The following PEAR1 variants were observed in gnomAD, a reference collection of about 807,000 sequenced individuals.
PEAR1 encodes multiple EGF-like domains protein 12.
In PEAR1, 113 loss-of-function variants were observed where a neutral mutation model predicts 131.2. The observed-to-expected ratio is 0.86, with a 90% CI of 0.74 to 1.01. The LOEUF (loss-of-function observed/expected upper bound fraction) is 1.01. PEAR1 is among the 50% of genes least tolerant of loss of function. PEAR1 has a pLI of 0.00. For missense variants in PEAR1, 1,408 were observed against 1,391.1 expected (o/e 1.01, Z -0.19); for synonymous variants, 565 against 523.3 (o/e 1.08, Z -1.09).
intron 7 of PEAR1, 27 bp downstream of exon 7, chr1:156,907,757 G>A (rs757196494): frequency 6.3e-7 from 1 of 1,594,536 alleles, no homozygotes; most frequent in African/African-American, 1.3e-5. Flanking sequence ...CTGTGGGCAT[G>A]GGGTGTGGGT....
Position 156,912,995 on chromosome 1 carries a change from A to C in PEAR1, c.2422+13A>C. ...TATGTCATGCCAGGTGAGCTGGCAC[A>C]GGGCCTGGGGCACAGATGAGTGGCT... is the stretch of plus-strand genomic sequence containing the variant. On this transcript the variant is annotated intron_variant, in intron 18 of 22. Coordinates refer to ENST00000292357, the MANE Select transcript of PEAR1 (RefSeq NM_001080471.3). The C allele has an allele frequency of 1.9e-6, 3 of 1,613,254 alleles. No individual in the cohort carries two copies. Among genetic ancestry groups the C allele is most frequent in the Non-Finnish European group, 2.5e-6 (3 of 1,179,370 alleles).
At chr1:156,901,741 G>T (rs1402369325) in intron 1 of PEAR1, among the ~76,000 whole-genome samples, 1 of 152,208 alleles carries the variant, frequency 6.6e-6, no homozygotes, top group Non-Finnish European at 1.5e-5. Flanking sequence ...GGCATATGGA[G>T]GGCTCGGGGT....
At position 156,905,409 on chromosome 1, in the gene PEAR1, A is replaced by G. The variant is rs1268538464; in HGVS notation, c.292A>G (p.Arg98Gly). 1.2e-6 allele frequency: 2 copies of G among 1,605,722 alleles called. No homozygotes were observed. Among genetic ancestry groups the G allele is most frequent in the African/African-American group, 2.7e-5 (2 of 74,804 alleles). The change falls in exon 4 of 23, where the codon AGG becomes GGG. Residue 98 changes from arginine to glycine, a missense_variant. Coordinates refer to ENST00000292357, the MANE Select transcript of PEAR1 (RefSeq NM_001080471.3). ...LQCCHGFYES[R>G]GFCVPLCAQE... ...GTGCTGCCATGGCTTCTATGAGAGC[A>G]GGGGGTTCTGTGTCCGTGAGTCCAG...
chr1:156,911,207 TCTTTCTTTCTTTC>T (rs898192580), intron 15 of PEAR1, among the ~76,000 whole-genome samples: 3 of 140,830 alleles, frequency 2.1e-5, no homozygotes, highest in Admixed American at 7.1e-5. Flanking sequence ...TTCTTTTCTT[TCTTTCTTTCTTTC>T]CTTTCTTTCT....
In PEAR1 at chr1:156,913,460, C is replaced by G. The variant is rs148792149; in HGVS notation, c.2581C>G (p.His861Asp). The G allele has an allele frequency of 5.6e-6, 9 of 1,613,586 alleles. No individual in the cohort carries two copies. The African/African-American group carries it at 8.0e-5, about 14-fold the overall frequency. Reference sequence around the variant, plus strand: ...AGGTGGGGCCCAAGGGCATGATAACCACACCACCCTGCCTGCTGACTGGAA... The same window carrying G: ...AGGTGGGGCCCAAGGGCATGATAACGACACCACCCTGCCTGCTGACTGGAA... ...RPGGAQGHDN[H>D]TTLPADWKHR... The change falls in exon 20 of 23, where the codon CAC becomes GAC. Residue 861 changes from histidine (H) to aspartate (D), a missense_variant. Transcript: ENST00000292357.
At chr1:156,906,502 A>C (rs2102992860) in intron 5 of PEAR1, 134 bp downstream of exon 5, 1 of 1,536,372 alleles carries the variant, frequency 6.5e-7, no homozygotes, top group South Asian at 1.2e-5. Context: ...CATTGCTGCC[A>C]TCTGCCTTTT....
intron 11 of PEAR1, 57 bp downstream of exon 11, chr1:156,909,093 G>C: frequency 1.2e-6 from 2 of 1,606,224 alleles, no homozygotes; most frequent in Non-Finnish European, 8.5e-7. Context: ...GGGAAGAAGG[G>C]AGAGTCCAAG....
At chr1:156,912,167 C>G in intron 15 of PEAR1, 80 bp from the exon 16 acceptor site, 3 of 1,520,964 alleles carry the variant, frequency 2.0e-6, no homozygotes, top group Non-Finnish European at 2.6e-6. Context: ...GAGCTAAAGG[C>G]TTCAGTGATG....
At chr1:156,911,039 TTCTTTC>T (rs1651018547) in intron 15 of PEAR1, among the ~76,000 whole-genome samples, 1 of 68,076 alleles carries the variant, frequency 1.5e-5, no homozygotes, top group Non-Finnish European at 2.9e-5. Flanking sequence ...TGATTTCTTT[TTCTTTC>T]TTTCTTTCTT....
At chr1:156,899,182 C>T (rs1257314676) in intron 1 of PEAR1, among the ~76,000 whole-genome samples, 1 of 152,082 alleles carries the variant, frequency 6.6e-6, no homozygotes, top group South Asian at 2.1e-4. Context: ...GATCAGAGGA[C>T]TCAAGTTATG....
At chr1:156,903,679 C>A (rs960814972) in intron 1 of PEAR1, among the ~76,000 whole-genome samples, 1 of 152,132 alleles carries the variant, frequency 6.6e-6, no homozygotes, top group Non-Finnish European at 1.5e-5. Context: ...GATGGGAACT[C>A]CAGGTGAAGA....
chr1:156,897,020 C>T (rs1173192358), intron 1 of PEAR1, among the ~76,000 whole-genome samples: 3 of 152,242 alleles, frequency 2.0e-5, no homozygotes, highest in Non-Finnish European at 4.4e-5. Context: ...GGAGAAGCCA[C>T]AGCTTCTGAG....
At chr1:156,914,440 G>A (rs1214728041) in intron 22 of PEAR1, among the ~76,000 whole-genome samples, 2 of 152,310 alleles carry the variant, frequency 1.3e-5, no homozygotes, top group South Asian at 2.1e-4. Context: ...GGCTGAGGTG[G>A]CTTTCTCCAT....
rs565832700 is a variant in PEAR1 at position 156,914,075 on chromosome 1, C to T, written c.2937C>T (p.Tyr979=). The change falls in exon 22 of 23, where the codon TAC becomes TAT. Residue 979 remains tyrosine (Y), a synonymous_variant. Coordinates refer to ENST00000292357, the MANE Select transcript of PEAR1 (RefSeq NM_001080471.3). ...QPQPQRDSGT[Y]EQPSPLIHDR... ...AGCCACAGAGAGACAGTGGCACCTA[C>T]GAGCAGCCCAGCCCCCTGATCCATG... is the stretch of plus-strand genomic sequence containing the variant. 66 of 1,604,152 alleles carry T rather than the reference C, an allele frequency of 4.1e-5. 1 individual carries two copies. The South Asian group carries it at 4.1e-4, about 10-fold the overall frequency.
At position 156,906,869 on chromosome 1, in the gene PEAR1, A is replaced by T; in HGVS notation, c.633A>T (p.Arg211Ser). 1 of 1,613,946 alleles carries T rather than the reference A, an allele frequency of 6.2e-7. No individual in the cohort carries two copies. Among genetic ancestry groups the T allele is most frequent in the Non-Finnish European group, 8.5e-7 (1 of 1,179,960 alleles). Residue 211 changes from arginine (R) to serine (S), a missense_variant, in exon 6 of 23, where the codon AGA becomes AGT. Physicochemically the swap from Arg to Ser is moderately radical, Grantham distance 110. Transcript: ENST00000292357. The stretch of plus-strand genomic sequence containing the variant: ...GAGCCTGCTTCTGCCCCGCAGAGAG[A>T]ACTGGGCCCAGGTATGTAATGGGGG... ...QTGACFCPAE[R>S]TGPSCDVSCS...
At position 156,903,902 on chromosome 1, in the gene PEAR1, G is replaced by A. The variant is rs1437316923; in HGVS notation, c.-9-16G>A. ...GCTGCAGCGCCACTGCCCACTCTGC[G>A]CCGGTCTTGCTGCAGGCCTCTGCAA... On this transcript the variant is annotated splice_polypyrimidine_tract_variant and intron_variant, in intron 1 of 22. Coordinates refer to ENST00000292357, the MANE Select transcript of PEAR1 (RefSeq NM_001080471.3). 6 of 1,603,094 alleles carry A rather than the reference G, an allele frequency of 3.7e-6. No homozygotes were observed. The highest frequency in any genetic ancestry group is 3.3e-5 in the Admixed American group (2 of 59,980).
Position 156,912,384 on chromosome 1 carries a change from A to G in PEAR1, c.2080+9A>G, listed in dbSNP as rs973788826. The G allele has an allele frequency of 6.2e-7, 1 of 1,611,256 alleles. No individual in the cohort carries two copies. Among genetic ancestry groups the G allele is most frequent in the Non-Finnish European group, 8.5e-7 (1 of 1,178,832 alleles). Reference sequence around the variant, plus strand: ...ACACCACTGCTTAGAAGGTACCAACAGAAGGGGAACTCCAGGCCCCTGCCT... The same window carrying G: ...ACACCACTGCTTAGAAGGTACCAACGGAAGGGGAACTCCAGGCCCCTGCCT... On this transcript the variant is annotated intron_variant, in intron 16 of 22. Coordinates refer to ENST00000292357, the MANE Select transcript of PEAR1 (RefSeq NM_001080471.3).
chr1:156,915,120 C>G lies in PEAR1; in HGVS notation c.*322C>G, dbSNP rs565153945. 5 of 283,110 alleles carry G rather than the reference C, an allele frequency of 1.8e-5. No homozygotes were observed. The Admixed American group carries it at 2.1e-4, about 12-fold the overall frequency. 17.5% of individuals were successfully genotyped at this position (283,110 alleles called of 1,614,324 possible). On this transcript the variant is annotated 3_prime_UTR_variant, in exon 23 of 23. Coordinates refer to ENST00000292357, the MANE Select transcript of PEAR1 (RefSeq NM_001080471.3). ...GTGGGGTACCTTTTCTGTGCATGCTCAGCCTGGGCTCTGTGCGTGTGTGTG... is the reference window on the plus strand; with the variant it reads ...GTGGGGTACCTTTTCTGTGCATGCTGAGCCTGGGCTCTGTGCGTGTGTGTG...
rs571164754 is a variant in PEAR1 at position 156,915,347 on chromosome 1, A to G, written c.*549A>G. On this transcript the variant is annotated 3_prime_UTR_variant, in exon 23 of 23. Coordinates refer to ENST00000292357, the MANE Select transcript of PEAR1 (RefSeq NM_001080471.3). Reference sequence around the variant, plus strand: ...TTACTCCCTACCTGAAAGCCTTCATAGGTGCCTCTTTGCTCTTCTGCCAGT... The same window carrying G: ...TTACTCCCTACCTGAAAGCCTTCATGGGTGCCTCTTTGCTCTTCTGCCAGT... The G allele has an allele frequency of 6.6e-6, 1 of 152,438 alleles. No individual in the cohort carries two copies. Among genetic ancestry groups the G allele is most frequent in the African/African-American group, 2.4e-5 (1 of 41,578 alleles). The allele number at this position is 152,438 out of a possible 1,614,324, so 9.4% of individuals were successfully genotyped here.
Sources: allele counts gnomAD v4.1 joint callset (sites outside exome capture counted in the v4.1 genomes callset), GRCh38; gene constraint gnomAD v4.1.1; transcripts MANE v1.5; gene names NCBI Gene and HGNC (gene_info 2026-07-23, HGNC 2026-07-21).